The following UBQLN4 variants were observed in gnomAD, a reference collection of about 807,000 sequenced individuals.
UBQLN4 encodes ubiquilin 4.
In UBQLN4, 11 loss-of-function variants were observed where a neutral mutation model predicts 60.4. The observed-to-expected ratio is 0.18, with a 90% CI of 0.11 to 0.30. The LOEUF (loss-of-function observed/expected upper bound fraction) is 0.30, where lower values mean the gene tolerates loss of function less well. UBQLN4 is among the 10% of genes least tolerant of loss of function. UBQLN4 has a pLI of 1.00. For synonymous variants in UBQLN4, 258 were observed against 313.1 expected, an observed-to-expected ratio of 0.82 and a Z score of 1.86; for missense variants, 417 against 795.5, an observed-to-expected ratio of 0.52 and a Z score of 5.72.
intron 5 of UBQLN4, among the ~76,000 whole-genome samples, chr1:156,047,755 C>T (rs769160418): frequency 6.6e-6 from 1 of 150,670 alleles, no homozygotes; most frequent in African/African-American, 2.4e-5. Context: ...GTTAGCCGGG[C>T]GTGGTGGCAT....
chr1:156,045,232 G>C lies in UBQLN4; in HGVS notation c.901-1009C>G, dbSNP rs78379095. Among the ~76,000 whole-genome samples, 423 of 152,252 alleles carry C rather than the reference G, an allele frequency of 2.8e-3. 1 individual carries two copies. Among genetic ancestry groups the C allele is most frequent in the Non-Finnish European group, 4.5e-3 (303 of 68,020 alleles). Reference sequence around the variant, plus strand: ...TCATTGAAAGTGGGTCATGGGGACCGGGGCTAACCAAGGATTCTCCTACTC... The same window carrying C: ...TCATTGAAAGTGGGTCATGGGGACCCGGGCTAACCAAGGATTCTCCTACTC... On this transcript the variant is annotated intron_variant, in intron 5 of 10. Coordinates refer to ENST00000368309, the MANE Select transcript of UBQLN4 (RefSeq NM_020131.5).
chr1:156,047,901 AAAAAAAAAG>A, intron 5 of UBQLN4, among the ~76,000 whole-genome samples: 1 of 151,956 alleles, frequency 6.6e-6, no homozygotes, highest in South Asian at 2.1e-4. Context: ...CAAAAAAAAA[AAAAAAAAAG>A]AAAGAAAGAA....
chr1:156,041,732 GA>G, intron 9 of UBQLN4, 61 bp from the exon 10 acceptor site: 2 of 1,462,320 alleles, frequency 1.4e-6, no homozygotes, highest in East Asian at 5.0e-5. Flanking sequence ...GAGAATGTGA[GA>G]TCCAGAAGGA....
chr1:156,034,067 A>C (rs1683341014), downstream of UBQLN4, among the ~76,000 whole-genome samples: 1 of 150,214 alleles, frequency 6.7e-6, no homozygotes, highest in Non-Finnish European at 1.5e-5. Flanking sequence ...TATCGGTCTC[A>C]GGCATCTAGT....
intron 10 of UBQLN4, 112 bp from the exon 11 acceptor site, chr1:156,037,242 G>A (rs1683430423): frequency 1.5e-6 from 2 of 1,354,258 alleles, no homozygotes; most frequent in African/African-American, 1.5e-5. Context: ...GAGTCAATCA[G>A]GAGGGCAGGG....
downstream of UBQLN4, chr1:156,033,399 T>G (rs1353354497): frequency 1.5e-6 from 1 of 674,240 alleles, no homozygotes; most frequent in African/African-American, 2.0e-5. Context: ...TTTTGTTTTG[T>G]TTTTTTGCTA....
rs1184000729 is a variant in UBQLN4 at position 156,050,237 on chromosome 1, C to A, written c.741+54G>T. On this transcript the variant is annotated intron_variant, in intron 4 of 10. Coordinates refer to ENST00000368309, the MANE Select transcript of UBQLN4 (RefSeq NM_020131.5). The surrounding 1 kb of genome is among the most constrained non-coding windows in gnomAD (Gnocchi z 4.6). Reference sequence around the variant, plus strand: ...GTAGGACAAAGTAGGAAAGGCTGGGCAGGGCACGGCTGGGCACCAGTGTCC... The same window carrying A: ...GTAGGACAAAGTAGGAAAGGCTGGGAAGGGCACGGCTGGGCACCAGTGTCC... 6.6e-7 allele frequency: 1 copy of A among 1,508,162 alleles called. No homozygotes were observed. Among genetic ancestry groups the A allele is most frequent in the Non-Finnish European group, 8.9e-7 (1 of 1,126,400 alleles). The allele number at this position is 1,508,162 out of a possible 1,614,324, so 93.4% of individuals were successfully genotyped here. A position where few individuals can be genotyped will look rare whatever the true frequency, so the allele number is the denominator to read the frequency against.
intron 5 of UBQLN4, among the ~76,000 whole-genome samples, chr1:156,047,848 C>T (rs1358772754): frequency 6.9e-6 from 1 of 145,856 alleles, no homozygotes; most frequent in Admixed American, 6.9e-5. Flanking sequence ...GCCGAGATTG[C>T]GCCACTGCAT....
At chr1:156,042,048 A>G (rs574222978) in intron 8 of UBQLN4, 61 bp from the exon 9 acceptor site, 1 of 1,611,886 alleles carries the variant, frequency 6.2e-7, no homozygotes, top group African/African-American at 1.3e-5. Flanking sequence ...GACAACCTCA[A>G]CTAGGAGTCC....
rs1683860205 is a variant in UBQLN4, at chr1:156,051,210, A to T, written c.378T>A (p.Ser126Arg). 1 of 1,610,864 alleles carries T rather than the reference A, an allele frequency of 6.2e-7. No homozygotes were observed. Among genetic ancestry groups the T allele is most frequent in the Non-Finnish European group, 8.5e-7 (1 of 1,178,548 alleles). Reference sequence around the variant, plus strand: ...TTCCACTGCCAGCATCTGAAGAGGCACTGCCAGAGGTGGAGGGCTGGGCAG... The same window carrying T: ...TTCCACTGCCAGCATCTGAAGAGGCTCTGCCAGAGGTGGAGGGCTGGGCAG... ...ATPAQPSTSG[S>R]ASSDAGSGSR... Residue 126 changes from serine to arginine, a missense_variant, in exon 3 of 11, where the codon AGT becomes AGA. Physicochemically the swap from Ser to Arg is moderately radical, Grantham distance 110. Transcript: ENST00000368309.
chr1:156,042,842 C>T lies in UBQLN4; in HGVS notation c.1198G>A (p.Val400Met). 6.2e-7 allele frequency: 1 copy of T among 1,614,242 alleles called. No homozygotes were observed. Among genetic ancestry groups the T allele is most frequent in the Non-Finnish European group, 8.5e-7 (1 of 1,180,040 alleles). ...ISENPQLMQN[V>M]ISAPYMRSMM... ...CTGCGCATGTAGGGTGCTGAGATCA[C>T]ATTCTGCATCAGCTGGGGGTTCTCA... The change falls in exon 7 of 11, where the codon GTG becomes ATG. Residue 400 changes from valine to methionine, a missense_variant. Transcript: ENST00000368309.
At chr1:156,051,074 C>T (rs1467553848) in intron 3 of UBQLN4, 36 bp downstream of exon 3, 1 of 1,599,324 alleles carries the variant, frequency 6.3e-7, no homozygotes, top group Non-Finnish European at 8.5e-7. Context: ...CTCCCCAACC[C>T]CAAACAAGAT....
chr1:156,051,350 C>CT, intron 2 of UBQLN4, 23 bp from the exon 3 acceptor site: 1 of 1,550,902 alleles, frequency 6.4e-7, no homozygotes. Context: ...AAAGGAGAAT[C>CT]CTGTTGGAGT....
intron 10 of UBQLN4, 78 bp from the exon 11 acceptor site, chr1:156,037,208 A>T: frequency 6.6e-7 from 1 of 1,525,248 alleles, no homozygotes; most frequent in Non-Finnish European, 8.9e-7. Flanking sequence ...TTCTAAGACC[A>T]GCAGGTCTTC....
intron 8 of UBQLN4, 81 bp from the exon 9 acceptor site, chr1:156,042,068 C>T (rs1410728074): frequency 1.9e-6 from 3 of 1,611,038 alleles, no homozygotes; most frequent in Admixed American, 3.4e-5. Context: ...CAGAGTCAAG[C>T]TCTGCCCCAA....
chr1:156,047,213 C>A (rs1558088975), intron 5 of UBQLN4, among the ~76,000 whole-genome samples: 3 of 151,680 alleles, frequency 2.0e-5, no homozygotes, highest in African/African-American at 7.3e-5. Context: ...TTTTGGAATA[C>A]CCTTTTGTTT....
downstream of UBQLN4, among the ~76,000 whole-genome samples, chr1:156,034,869 A>ATATG (rs1402182459): frequency 2.2e-3 from 183 of 83,190 alleles, no homozygotes; most frequent in African/African-American, 7.8e-3. Context: ...ATATATATAT[A>ATATG]TAATTTTTTT....
chr1:156,034,541 C>G (rs1683350613), downstream of UBQLN4, among the ~76,000 whole-genome samples: 2 of 151,486 alleles, frequency 1.3e-5, no homozygotes, highest in Admixed American at 1.3e-4. Flanking sequence ...CGTGATCCAC[C>G]CACCTCAGCC....
At chr1:156,031,448 C>G (rs1364364461), downstream of UBQLN4, among the ~76,000 whole-genome samples, 1 of 152,184 alleles carries the variant, frequency 6.6e-6, no homozygotes, top group Non-Finnish European at 1.5e-5. Context: ...AGAGTTTGAG[C>G]TCAGTTTGGC....
Sources: allele counts gnomAD v4.1 joint callset (sites outside exome capture counted in the v4.1 genomes callset), GRCh38; gene constraint gnomAD v4.1.1; non-coding constraint Gnocchi (gnomAD v3.1); transcripts MANE v1.5; gene names NCBI Gene and HGNC (gene_info 2026-07-23, HGNC 2026-07-21).